The following FRMD1 variants were observed in gnomAD, a reference collection of about 807,000 sequenced individuals.
FRMD1 encodes FERM domain containing 1, also known as FERM domain-containing protein 1.
In FRMD1, 51 loss-of-function variants were observed where a neutral mutation model predicts 54.9. The observed-to-expected ratio is 0.93, with a 90% confidence interval of 0.74 to 1.17. The LOEUF (loss-of-function observed/expected upper bound fraction) is 1.17. FRMD1 is among the 50% of genes most tolerant of loss of function. The pLI, the probability that FRMD1 is intolerant of heterozygous loss-of-function variation, is 0.00. For synonymous variants in FRMD1, 324 were observed against 306.4 expected, an observed-to-expected ratio of 1.06 and a Z score of -0.60; for missense variants, 729 against 743.0, an observed-to-expected ratio of 0.98 and a Z score of 0.22.
At chr6:168,082,894 G>T (rs1225479359), upstream of FRMD1, among the ~76,000 whole-genome samples, 3 of 152,150 alleles carry the variant, frequency 2.0e-5, no homozygotes, top group African/African-American at 7.2e-5. Context: ...AGGTGGGCAG[G>T]GTGCTCCCCA....
chr6:168,062,579 T>G, intron 7 of FRMD1: 1 of 1,283,298 alleles, frequency 7.8e-7, no homozygotes, highest in Non-Finnish European at 1.1e-6. Context: ...GACCTGCACC[T>G]CTTCGGGTGC....
At chr6:168,061,096 A>G (rs777446637) in intron 8 of FRMD1, 39 bp from the exon 9 acceptor site, 3 of 1,578,664 alleles carry the variant, frequency 1.9e-6, no homozygotes, top group Non-Finnish European at 2.6e-6. Flanking sequence ...CGAGCTGGAG[A>G]GGGACCAGCC....
intron 1 of FRMD1, among the ~76,000 whole-genome samples, chr6:168,092,022 C>T (rs1413131811): frequency 6.6e-6 from 1 of 152,250 alleles, no homozygotes; most frequent in South Asian, 2.1e-4. Context: ...CTCTGTCCGG[C>T]CTCCACAGCG....
chr6:168,066,880 G>T, intron 3 of FRMD1, 49 bp from the exon 4 acceptor site: 2 of 1,599,158 alleles, frequency 1.3e-6, no homozygotes, highest in Non-Finnish European at 8.5e-7. Context: ...GGGAGGTGCC[G>T]CTGGCTGTCC....
At chr6:168,057,497 G>A (rs967555078) in intron 10 of FRMD1, 158 bp from the exon 11 acceptor site, 3 of 1,003,062 alleles carry the variant, frequency 3.0e-6, no homozygotes, top group African/African-American at 1.6e-5. Context: ...GGGTCCCCCA[G>A]CACACACCTC....
Position 168,078,982 on chromosome 6 carries a change from C to G in FRMD1, c.113G>C (p.Ser38Thr). ...MEPSPERPAC[S>T]QQEPTLGMDA... ...CATTCCCAGGGTCGGCTCCTGCTGA[C>G]TGCATGCAGGCCTCTCAGGACTGGG... is the stretch of plus-strand genomic sequence containing the variant. The change falls in exon 1 of 11, where the codon AGT becomes ACT. Residue 38 changes from serine to threonine, a missense_variant. Ser to Thr is a moderately conservative substitution (Grantham distance 58). Coordinates refer to ENST00000283309, the MANE Select transcript of FRMD1 (RefSeq NM_024919.6). The G allele has an allele frequency of 6.2e-7, 1 of 1,612,364 alleles. No individual in the cohort carries two copies. Among genetic ancestry groups the G allele is most frequent in the Non-Finnish European group, 8.5e-7 (1 of 1,179,946 alleles).
At chr6:168,091,490 C>G (rs754298109) in intron 1 of FRMD1, among the ~76,000 whole-genome samples, 2 of 152,218 alleles carry the variant, frequency 1.3e-5, no homozygotes, top group Admixed American at 1.3e-4. Flanking sequence ...TCCGTGGCCT[C>G]GGTCAGGTGT....
intron 7 of FRMD1, among the ~76,000 whole-genome samples, chr6:168,062,492 G>A (rs868835024): frequency 6.6e-6 from 1 of 152,352 alleles, no homozygotes. Context: ...AACACCCCAC[G>A]CCTGCAGGGC....
chr6:168,073,514 G>C (rs1315579739), intron 2 of FRMD1, among the ~76,000 whole-genome samples: 1 of 152,148 alleles, frequency 6.6e-6, no homozygotes, highest in African/African-American at 2.4e-5. Flanking sequence ...ACAGCCCCCA[G>C]AGCAGCCCTG....
chr6:168,060,313 T>TG (rs1375010148), intron 9 of FRMD1, among the ~76,000 whole-genome samples: 1 of 97,074 alleles, frequency 1.0e-5, no homozygotes, highest in Non-Finnish European at 1.9e-5. Flanking sequence ...GGAGTTTTGT[T>TG]GGGGGGCTTC....
intron 2 of FRMD1, among the ~76,000 whole-genome samples, chr6:168,074,576 G>C (rs1334281413): frequency 6.6e-6 from 1 of 151,918 alleles, no homozygotes; most frequent in Admixed American, 6.5e-5. Flanking sequence ...GTTTGTGCAT[G>C]TGTACATGTG....
At chr6:168,068,242 T>A (rs1002576441) in intron 2 of FRMD1, among the ~76,000 whole-genome samples, 1 of 152,234 alleles carries the variant, frequency 6.6e-6, no homozygotes, top group Admixed American at 6.5e-5. Context: ...GAGACGCTTC[T>A]TTCTAAATTA....
At chr6:168,076,233 C>G (rs1800588402) in intron 1 of FRMD1, among the ~76,000 whole-genome samples, 1 of 152,228 alleles carries the variant, frequency 6.6e-6, no homozygotes, top group Non-Finnish European at 1.5e-5. Context: ...CAAGAGGAAA[C>G]CTCACAGCAG....
chr6:168,060,028 GC>G (rs1799633081), intron 9 of FRMD1, among the ~76,000 whole-genome samples: 1 of 138,112 alleles, frequency 7.2e-6, no homozygotes. Flanking sequence ...GGAGTGGGGG[GC>G]TTCCTAGGAG....
At chr6:168,058,821 G>A (rs145491995) in intron 10 of FRMD1, among the ~76,000 whole-genome samples, 2,485 of 152,216 alleles carry the variant, frequency 0.016, 66 homozygotes, top group Admixed American at 0.051. Context: ...CCAGGTGTCC[G>A]GGTCCTGCCT....
At position 168,065,011 on chromosome 6, in the gene FRMD1, C is replaced by A. The variant is rs199740559; in HGVS notation, c.508G>T (p.Val170Leu). Residue 170 changes from valine (V) to leucine (L), a missense_variant, in exon 5 of 11, where the codon GTG (valine) becomes TTG (leucine). Val to Leu is a conservative substitution (Grantham distance 32). Transcript: ENST00000283309. ...HLYYCHLKER[V>L]LRSQCAHREE... Reference sequence around the variant, plus strand: ...CGGTGAGCGCACTGTGACCTCAGCACGCGCTCCTTCAAGTGGCAGTAGTAC... The same window carrying A: ...CGGTGAGCGCACTGTGACCTCAGCAAGCGCTCCTTCAAGTGGCAGTAGTAC... The A allele has an allele frequency of 6.2e-7, 1 of 1,611,262 alleles. No homozygotes were observed. The highest frequency in any genetic ancestry group is 1.3e-5 in the African/African-American group (1 of 74,936).
intron 1 of FRMD1, among the ~76,000 whole-genome samples, chr6:168,086,883 A>G (rs1391866474): frequency 6.6e-6 from 1 of 152,226 alleles, no homozygotes; most frequent in Admixed American, 6.5e-5. Context: ...CCTGTTAGCC[A>G]GGACCTTTGC....
intron 9 of FRMD1, 126 bp downstream of exon 9, chr6:168,060,635 C>A: frequency 2.2e-6 from 2 of 904,184 alleles, no homozygotes; most frequent in Non-Finnish European, 3.3e-6. Context: ...GCAGCCCAGC[C>A]CCTCACGTCT....
Position 168,062,936 on chromosome 6 carries a change from G to A in FRMD1, c.828C>T (p.Thr276=), listed in dbSNP as rs6909570. 4.2e-4 allele frequency: 672 copies of A among 1,614,028 alleles called. 3 individuals carry two copies. Among genetic ancestry groups the A allele is most frequent in the African/African-American group, 3.0e-3 (223 of 75,042 alleles). The change falls in exon 7 of 11, where the codon ACC becomes ACT. Residue 276 remains threonine, a synonymous_variant. Coordinates refer to ENST00000283309, the MANE Select transcript of FRMD1 (RefSeq NM_024919.6). ...LHKDKKEGRP[T]VILGLALRGV... ...CCCTGAGGGCCAGTCCCAGGATCAC[G>A]GTGGGACGACCTTCCTTCTTATCCT...
Sources: gnomAD v4.1 joint callset for allele counts (sites outside exome capture counted in the v4.1 genomes callset) on GRCh38, gnomAD v4.1.1 for gene constraint, MANE v1.5 for transcripts, NCBI Gene and HGNC (gene_info 2026-07-23, HGNC 2026-07-21) for gene names.